Variants in OPCML observed in about 807,000 individuals in gnomAD.
OPCML encodes opioid-binding protein/cell adhesion molecule.
OPCML carries 13 observed loss-of-function variants against 37.8 expected under a neutral mutation model. The ratio of observed to expected loss-of-function variants is 0.34; its 90% CI spans 0.22 to 0.55. The LOEUF (loss-of-function observed/expected upper bound fraction) is 0.55, where lower values mean the gene tolerates loss of function less well. Ranked by LOEUF, OPCML falls within the 20% of genes least tolerant of loss-of-function variation. OPCML has a pLI of 0.91. For missense variants in OPCML, 341 were observed against 435.6 expected, an observed-to-expected ratio of 0.78 and a Z score of 1.93; for synonymous variants, 176 against 168.8, an observed-to-expected ratio of 1.04 and a Z score of -0.33.
chr11:133,345,562 T>G (rs1943980435), intron 1 of OPCML, among the ~76,000 whole-genome samples: 2 of 152,218 alleles, frequency 1.3e-5, no homozygotes, highest in African/African-American at 4.8e-5. Context: ...CACTTGGGCT[T>G]CCCCTTGTTT....
At chr11:133,397,935 C>G (rs138072665) in intron 1 of OPCML, among the ~76,000 whole-genome samples, 1 of 152,144 alleles carries the variant, frequency 6.6e-6, no homozygotes, top group African/African-American at 2.4e-5. Context: ...GAAGATGATG[C>G]CATTTACCCA....
intron 3 of OPCML, among the ~76,000 whole-genome samples, chr11:132,580,214 AG>A (rs1342243827): frequency 1.3e-5 from 2 of 152,306 alleles, no homozygotes; most frequent in East Asian, 3.9e-4. Context: ...ATGACTCCGC[AG>A]GGGGGAAACC....
chr11:133,306,523 G>A lies in OPCML; in HGVS notation c.61+225741C>T, dbSNP rs566310443. ...AAAATATGAGTTTTGAACATATGGGGCAACTTAGCAGAGGCAGCAGTATAT... is the reference window on the plus strand; with the variant it reads ...AAAATATGAGTTTTGAACATATGGGACAACTTAGCAGAGGCAGCAGTATAT... On this transcript the variant is annotated intron_variant, in intron 1 of 7. Coordinates refer to ENST00000524381, the MANE Select transcript of OPCML (RefSeq NM_001012393.5). 1.5e-3 allele frequency among the ~76,000 whole-genome samples: 227 copies of A among 152,252 alleles called. 5 individuals are homozygous for A. The highest frequency in any genetic ancestry group is 0.01 in the Middle Eastern group (3 of 294).
intron 3 of OPCML, among the ~76,000 whole-genome samples, chr11:132,587,039 C>G (rs998194192): frequency 1.3e-5 from 2 of 152,172 alleles, no homozygotes; most frequent in Non-Finnish European, 2.9e-5. Flanking sequence ...CCTTTGTTGA[C>G]TGAGATCCAG....
chr11:133,239,537 C>T (rs1393873442), intron 1 of OPCML, among the ~76,000 whole-genome samples: 1 of 152,224 alleles, frequency 6.6e-6, no homozygotes, highest in Non-Finnish European at 1.5e-5. Flanking sequence ...GTGCAAAGTG[C>T]TTCAGGAATG....
intron 1 of OPCML, among the ~76,000 whole-genome samples, chr11:133,321,704 A>C (rs1444125012): frequency 6.6e-6 from 1 of 152,150 alleles, no homozygotes; most frequent in Non-Finnish European, 1.5e-5. Flanking sequence ...ACTTCATATT[A>C]ATGCACATTA....
intron 2 of OPCML, among the ~76,000 whole-genome samples, chr11:132,684,156 AC>A (rs895349011): frequency 3.3e-5 from 5 of 152,190 alleles, no homozygotes; most frequent in Non-Finnish European, 5.9e-5. Flanking sequence ...AACTTGACAT[AC>A]CTCTCCTTAA....
chr11:132,613,672 G>A (rs1389951287), intron 3 of OPCML, among the ~76,000 whole-genome samples: 2 of 152,188 alleles, frequency 1.3e-5, no homozygotes, highest in Non-Finnish European at 2.9e-5. Context: ...TTAGCAGAAT[G>A]GAGAGGGGCA....
chr11:133,320,755 A>T (rs981605239), intron 1 of OPCML, among the ~76,000 whole-genome samples: 6 of 152,192 alleles, frequency 3.9e-5, no homozygotes, highest in African/African-American at 9.6e-5. Context: ...TCACCCCACA[A>T]TTTAGAATTG....
At chr11:132,581,355 A>G (rs1005247703) in intron 3 of OPCML, among the ~76,000 whole-genome samples, 11 of 152,192 alleles carry the variant, frequency 7.2e-5, no homozygotes, top group Admixed American at 3.9e-4. Flanking sequence ...TTTTAGTCCA[A>G]CTGAATGCAA....
At chr11:133,299,560 A>G (rs1942728919) in intron 1 of OPCML, 1 of 152,270 alleles carries the variant, frequency 6.6e-6, no homozygotes, top group Admixed American at 6.5e-5. Flanking sequence ...AAGGCAGAAC[A>G]AGAGAAAATG....
chr11:132,749,932 G>A (rs1158478327), intron 2 of OPCML, among the ~76,000 whole-genome samples: 2 of 151,970 alleles, frequency 1.3e-5, no homozygotes, highest in Non-Finnish European at 2.9e-5. Context: ...GCCCAGGCTG[G>A]AGTGCCATGG....
At chr11:132,601,702 C>A (rs1937918137) in intron 3 of OPCML, among the ~76,000 whole-genome samples, 1 of 152,140 alleles carries the variant, frequency 6.6e-6, no homozygotes, top group Non-Finnish European at 1.5e-5. Context: ...TCCTTGAAGA[C>A]CTTCCTAGCA....
rs143534280 is a variant in OPCML at position 133,208,758 on chromosome 11, A to G, written c.62-265748T>C. Among the ~76,000 whole-genome samples the G allele has an allele frequency of 3.2e-3, 491 of 152,322 alleles. No homozygotes were observed. Among genetic ancestry groups the G allele is most frequent in the African/African-American group, 0.011 (471 of 41,576 alleles). On this transcript the variant is annotated intron_variant, in intron 1 of 7. Coordinates refer to ENST00000524381, the MANE Select transcript of OPCML (RefSeq NM_001012393.5). This position sits in a 1 kb window ranked among gnomAD's most constrained non-coding sequence, Gnocchi z 8.9. The stretch of plus-strand genomic sequence containing the variant: ...GACTGAAGCACACGTTATCTAAAGC[A>G]ATGGCCCTTCTCTAGGACCAAAGGG...
chr11:132,841,083 AGAAACGTGC>A (rs1941265625), intron 2 of OPCML, among the ~76,000 whole-genome samples: 1 of 152,190 alleles, frequency 6.6e-6, no homozygotes, highest in Non-Finnish European at 1.5e-5. Context: ...AAATGGAGGG[AGAAACGTGC>A]CTATAAAGTG....
rs562923944 is a variant in OPCML at position 133,108,797 on chromosome 11, C to G, written c.62-165787G>C. Among the ~76,000 whole-genome samples, 56 of 98,378 alleles carry G rather than the reference C, an allele frequency of 5.7e-4. 1 individual carries two copies. The East Asian group carries it at 0.015, about 27-fold the overall frequency. The allele number at this position is 98,378 out of a possible 152,430, so 64.5% of individuals were successfully genotyped here. A position where few individuals can be genotyped will look rare whatever the true frequency, so the allele number is the denominator to read the frequency against. On this transcript the variant is annotated intron_variant, in intron 1 of 7. Transcript: ENST00000524381. ...GTTACCAAAGACAGCGCTTTGCAAA[C>G]TACAGGTGATAAAAAAAAATGTGAA... is the stretch of plus-strand genomic sequence containing the variant.
At chr11:133,045,507 C>A (rs146771559) in intron 1 of OPCML, among the ~76,000 whole-genome samples, 1 of 151,950 alleles carries the variant, frequency 6.6e-6, no homozygotes, top group Non-Finnish European at 1.5e-5. Flanking sequence ...GATGTAGCAC[C>A]GTCATTGGAG....
chr11:133,515,370 G>A (rs1948243892), intron 1 of OPCML, among the ~76,000 whole-genome samples: 1 of 152,224 alleles, frequency 6.6e-6, no homozygotes, highest in Admixed American at 6.5e-5. Flanking sequence ...ATCTTGGGCT[G>A]TCACAGCTCA....
chr11:132,664,467 T>C (rs1942136789), intron 2 of OPCML, among the ~76,000 whole-genome samples: 1 of 152,216 alleles, frequency 6.6e-6, no homozygotes, highest in South Asian at 2.1e-4. Context: ...TTTCCTTTTA[T>C]CATTTGCCTT....
Sources: allele counts gnomAD v4.1 joint callset (sites outside exome capture counted in the v4.1 genomes callset), GRCh38; gene constraint gnomAD v4.1.1; non-coding constraint Gnocchi (gnomAD v3.1); transcripts MANE v1.5; gene names NCBI Gene and HGNC (gene_info 2026-07-23, HGNC 2026-07-21).